Variants in PRR5L observed in about 807,000 individuals in gnomAD.
PRR5L encodes proline rich 5 like.
In PRR5L, 21 loss-of-function variants were observed where a neutral mutation model predicts 36.4. The ratio of observed to expected loss-of-function variants is 0.58; its 90% CI spans 0.41 to 0.83. The LOEUF (loss-of-function observed/expected upper bound fraction) is 0.83. Among genes scored for constraint, PRR5L ranks in the 40% least tolerant of loss-of-function variants. The probability of loss-of-function intolerance (pLI) is 0.00; values close to 1 mark genes in which losing one functional copy is unlikely to be tolerated. For missense variants in PRR5L, 381 were observed against 473.3 expected (o/e 0.80, Z 1.81); for synonymous variants, 188 against 197.0 (o/e 0.95, Z 0.38).
At chr11:36,328,491 G>A (rs1473489403) in intron 1 of PRR5L, among the ~76,000 whole-genome samples, 2 of 152,162 alleles carry the variant, frequency 1.3e-5, no homozygotes, top group Non-Finnish European at 2.9e-5. Flanking sequence ...GCCATGTGGA[G>A]TGCCTTGCTC....
intron 1 of PRR5L, among the ~76,000 whole-genome samples, chr11:36,340,897 GAC>G (rs796599863): frequency 6.6e-6 from 1 of 152,326 alleles, no homozygotes; most frequent in East Asian, 1.9e-4. Flanking sequence ...ACCTAGCAGT[GAC>G]TCTGGGGCCA....
chr11:36,396,414 C>T (rs1324731962), intron 1 of PRR5L, among the ~76,000 whole-genome samples: 1 of 152,200 alleles, frequency 6.6e-6, no homozygotes, highest in Admixed American at 6.5e-5. Flanking sequence ...GCTAAGGAGG[C>T]AAGCCTGGGT....
At chr11:36,370,648 A>T (rs1857188129) in intron 1 of PRR5L, among the ~76,000 whole-genome samples, 1 of 152,146 alleles carries the variant, frequency 6.6e-6, no homozygotes, top group South Asian at 2.1e-4. Context: ...TTGGGAGGCC[A>T]ACGCGGGCAA....
At chr11:36,450,019 C>T (rs1167111692) in intron 7 of PRR5L, among the ~76,000 whole-genome samples, 1 of 152,138 alleles carries the variant, frequency 6.6e-6, no homozygotes, top group African/African-American at 2.4e-5. Context: ...CACCATAGCC[C>T]CATCCTCAGC....
At chr11:36,415,676 A>G (rs7122122) in intron 3 of PRR5L, among the ~76,000 whole-genome samples, 147,256 of 152,244 alleles carry the variant, frequency 0.97, 71,451 homozygotes, top group East Asian at 1. Flanking sequence ...CCCGGGAGGC[A>G]GAGGTTGCAG....
chr11:36,417,410 G>A (rs1287210810), intron 3 of PRR5L, among the ~76,000 whole-genome samples: 1 of 152,200 alleles, frequency 6.6e-6, no homozygotes, highest in Non-Finnish European at 1.5e-5. Flanking sequence ...TGAGAGACAT[G>A]TCTAGCCTCT....
At chr11:36,419,376 A>G in intron 4 of PRR5L, 73 bp downstream of exon 4, 2 of 1,289,260 alleles carry the variant, frequency 1.6e-6, no homozygotes, top group Non-Finnish European at 2.3e-6. Flanking sequence ...GGTGGCCAAT[A>G]CTGTACAGTT....
At chr11:36,432,378 A>G (rs1466796755) in intron 5 of PRR5L, among the ~76,000 whole-genome samples, 1 of 152,178 alleles carries the variant, frequency 6.6e-6, no homozygotes, top group African/African-American at 2.4e-5. Flanking sequence ...CACTCACTCA[A>G]TAGGGTATGA....
At position 36,388,694 on chromosome 11, in the gene PRR5L, C is replaced by CTTTTTTT. The variant is rs1252535250; in HGVS notation, c.-125-12300_-125-12299insTTTTTTT. Among the ~76,000 whole-genome samples, 281 of 112,772 alleles carry CTTTTTTT rather than the reference C, an allele frequency of 2.5e-3. 35 individuals carry two copies. Among genetic ancestry groups the CTTTTTTT allele is most frequent in the Non-Finnish European group, 3.0e-3 (175 of 58,090 alleles). The allele number at this position is 112,772 out of a possible 152,430, so 74.0% of individuals were successfully genotyped here. On this transcript the variant is annotated intron_variant, in intron 1 of 8. Coordinates refer to ENST00000530639, the MANE Select transcript of PRR5L (RefSeq NM_001160167.2). The stretch of plus-strand genomic sequence containing the variant: ...TTCTTTCATTCAAGGTCGGCTCTTT[C>CTTTTTTT]TTTCTTTTTTTTTTTTTTTTTTGAG...
chr11:36,314,532 C>A (rs1364729024), intron 1 of PRR5L, among the ~76,000 whole-genome samples: 1 of 152,188 alleles, frequency 6.6e-6, no homozygotes, highest in African/African-American at 2.4e-5. Flanking sequence ...CTCCAAAGTC[C>A]CACTTGGCTA....
chr11:36,387,643 C>T (rs1372783756), intron 1 of PRR5L, among the ~76,000 whole-genome samples: 7 of 152,146 alleles, frequency 4.6e-5, no homozygotes, highest in African/African-American at 1.2e-4. Flanking sequence ...GAAAGATCAT[C>T]GTGGCCATCA....
chr11:36,310,162 C>T (rs778413602), intron 1 of PRR5L, among the ~76,000 whole-genome samples: 5 of 152,120 alleles, frequency 3.3e-5, no homozygotes, highest in African/African-American at 7.2e-5. Context: ...AGGGTATTCT[C>T]GGTTCACAAC....
chr11:36,336,486 TC>T (rs1202988796), intron 1 of PRR5L, among the ~76,000 whole-genome samples: 1 of 149,894 alleles, frequency 6.7e-6, no homozygotes, highest in African/African-American at 2.5e-5. Flanking sequence ...TGCCTCTGCC[TC>T]CCAAAGTGCT....
intron 8 of PRR5L, among the ~76,000 whole-genome samples, chr11:36,458,648 C>A (rs901322501): frequency 6.6e-6 from 1 of 152,226 alleles, no homozygotes; most frequent in African/African-American, 2.4e-5. Context: ...TTGCTGTGAT[C>A]TCCTTCCAGG....
chr11:36,326,521 G>A (rs1856664619), intron 1 of PRR5L, among the ~76,000 whole-genome samples: 1 of 151,320 alleles, frequency 6.6e-6, no homozygotes, highest in Non-Finnish European at 1.5e-5. Context: ...TCTACCTCTT[G>A]AGTCTAATCT....
chr11:36,340,941 C>T (rs996409854), intron 1 of PRR5L, among the ~76,000 whole-genome samples: 1 of 152,226 alleles, frequency 6.6e-6, no homozygotes, highest in African/African-American at 2.4e-5. Flanking sequence ...AGAGAGCTTT[C>T]TTCTATCTCT....
chr11:36,454,476 G>A (rs1293878173), intron 8 of PRR5L, among the ~76,000 whole-genome samples: 2 of 152,316 alleles, frequency 1.3e-5, no homozygotes, highest in South Asian at 2.1e-4. Flanking sequence ...TGGGTTGGGG[G>A]TGATAAACCC....
intron 1 of PRR5L, among the ~76,000 whole-genome samples, chr11:36,315,733 T>C (rs1856549094): frequency 1.3e-5 from 2 of 152,236 alleles, no homozygotes; most frequent in Non-Finnish European, 2.9e-5. Flanking sequence ...GAGCAGACTT[T>C]AGTGTTGAGA....
intron 1 of PRR5L, among the ~76,000 whole-genome samples, chr11:36,328,515 C>T (rs1856687737): frequency 6.6e-6 from 1 of 152,172 alleles, no homozygotes; most frequent in African/African-American, 2.4e-5. Flanking sequence ...CTTTGTTTTC[C>T]ACCATGATTG....
Sources: allele counts gnomAD v4.1 joint callset (sites outside exome capture counted in the v4.1 genomes callset), GRCh38; gene constraint gnomAD v4.1.1; transcripts MANE v1.5; gene names NCBI Gene and HGNC (gene_info 2026-07-23, HGNC 2026-07-21).